CELA2A: variants seen among roughly 807,000 people sequenced by gnomAD.
CELA2A encodes chymotrypsin-like elastase family member 2A.
CELA2A carries 31 observed loss-of-function variants against 35.3 expected under a neutral mutation model. The ratio of observed to expected loss-of-function variants is 0.88; its 90% confidence interval spans 0.66 to 1.19. CELA2A has a LOEUF of 1.19. CELA2A is among the 50% of genes most tolerant of loss of function. The pLI is 0.00. For missense variants in CELA2A, 330 were observed against 352.9 expected (o/e 0.94, Z 0.52); for synonymous variants, 150 against 149.8 (o/e 1.00, Z -0.01).
intron 6 of CELA2A, among the ~76,000 whole-genome samples, chr1:15,466,365 C>A (rs1019831834): frequency 6.6e-6 from 1 of 152,114 alleles, no homozygotes; most frequent in Non-Finnish European, 1.5e-5. Flanking sequence ...AGTTCAAGAC[C>A]AGCCTGGCCA....
intron 3 of CELA2A, 129 bp from the exon 4 acceptor site, chr1:15,462,604 C>T: frequency 8.9e-7 from 1 of 1,119,202 alleles, no homozygotes; most frequent in Non-Finnish European, 1.3e-6. Context: ...CTGATTGTCC[C>T]AGGGGAGGAA....
chr1:15,462,952 C>G lies in CELA2A; in HGVS notation c.356+91C>G, dbSNP rs186428650. Reference sequence around the variant, plus strand: ...GCAAGGGTCTCAACCACACCACACCCCCTCTGCTTCTTCTACAGGGAGGGG... The same window carrying G: ...GCAAGGGTCTCAACCACACCACACCGCCTCTGCTTCTTCTACAGGGAGGGG... On this transcript the variant is annotated intron_variant, in intron 4 of 7. Transcript: ENST00000359621. The G allele has an allele frequency of 1.3e-3, 2,031 of 1,540,586 alleles. 23 individuals are homozygous for G. In the African/African-American group the frequency reaches 0.025, roughly 19 times the overall value.
intron 3 of CELA2A, chr1:15,462,198 C>T (rs7536007): frequency 0.26 from 122,212 of 469,578 alleles, 16,611 homozygotes; most frequent in Middle Eastern, 0.38. Flanking sequence ...TGGAACTCAC[C>T]GGAGTTTCTG....
At chr1:15,459,095 A>G (rs1317851590) in intron 2 of CELA2A, among the ~76,000 whole-genome samples, 1 of 151,550 alleles carries the variant, frequency 6.6e-6, no homozygotes, top group Admixed American at 6.6e-5. Context: ...GGCTCTGGCC[A>G]TCTACCTGCC....
chr1:15,459,968 A>AT (rs1708410890), intron 2 of CELA2A, among the ~76,000 whole-genome samples: 1 of 152,028 alleles, frequency 6.6e-6, no homozygotes, highest in Non-Finnish European at 1.5e-5. Flanking sequence ...AAAAAATACA[A>AT]ACAAACAAAA....
chr1:15,465,067 A>G (rs180883122), intron 5 of CELA2A, among the ~76,000 whole-genome samples: 1,335 of 121,798 alleles, frequency 0.011, 10 homozygotes, highest in Non-Finnish European at 0.015. Context: ...GCTGGAATGC[A>G]GTGGTGCAAT....
intron 7 of CELA2A, among the ~76,000 whole-genome samples, chr1:15,470,540 C>T (rs1424075255): frequency 6.6e-6 from 1 of 152,128 alleles, no homozygotes; most frequent in African/African-American, 2.4e-5. Flanking sequence ...AGTCCCCCCT[C>T]ATTTTACATC....
At chr1:15,471,094 G>A (rs74054734) in intron 7 of CELA2A, among the ~76,000 whole-genome samples, 1 of 152,170 alleles carries the variant, frequency 6.6e-6, no homozygotes, top group African/African-American at 2.4e-5. Flanking sequence ...TCCATAGTTT[G>A]AGTGTAATGA....
At chr1:15,466,211 C>T in intron 6 of CELA2A, 67 bp downstream of exon 6, 2 of 1,533,620 alleles carry the variant, frequency 1.3e-6, no homozygotes, top group Non-Finnish European at 1.8e-6. Flanking sequence ...TATAGAGGTC[C>T]ATCCCTCCAT....
At chr1:15,463,673 A>C (rs372989462) in intron 5 of CELA2A, 151 bp downstream of exon 5, 1 of 1,237,510 alleles carries the variant, frequency 8.1e-7, no homozygotes, top group East Asian at 2.5e-5. Flanking sequence ...CCTGGGATCA[A>C]ATGTCAGCTC....
At chr1:15,467,680 G>C (rs531960853) in intron 7 of CELA2A, 142 bp downstream of exon 7, 1 of 1,045,940 alleles carries the variant, frequency 9.6e-7, no homozygotes, top group Non-Finnish European at 1.4e-6. Flanking sequence ...CTGCAGACCT[G>C]AGTAACTGCT....
At chr1:15,463,279 T>TGG (rs1230983447) in intron 4 of CELA2A, 107 bp from the exon 5 acceptor site, 3 of 1,545,628 alleles carry the variant, frequency 1.9e-6, no homozygotes, top group Non-Finnish European at 2.6e-6. Flanking sequence ...CAGAGCAACC[T>TGG]GGGGTAACAG....
intron 3 of CELA2A, chr1:15,462,189 G>A (rs1303888050): frequency 3.0e-5 from 14 of 469,896 alleles, no homozygotes; most frequent in South Asian, 2.2e-4. Flanking sequence ...CATCACAGCT[G>A]GAACTCACCG....
chr1:15,465,705 C>T (rs183515529), intron 5 of CELA2A, among the ~76,000 whole-genome samples: 1 of 152,136 alleles, frequency 6.6e-6, no homozygotes, highest in Non-Finnish European at 1.5e-5. Context: ...CTTCATTCTC[C>T]ACATAAAACA....
chr1:15,466,396 T>C (rs577810888), intron 6 of CELA2A, among the ~76,000 whole-genome samples: 31 of 152,192 alleles, frequency 2.0e-4, no homozygotes, highest in Admixed American at 1.8e-3. Flanking sequence ...ACCTTGTGTC[T>C]ACTAAAACTA....
intron 7 of CELA2A, among the ~76,000 whole-genome samples, chr1:15,470,162 G>A (rs1708572191): frequency 6.6e-6 from 1 of 152,198 alleles, no homozygotes; most frequent in African/African-American, 2.4e-5. Flanking sequence ...GCAACCAGCT[G>A]TCCTTGGGTG....
At chr1:15,463,661 T>C (rs1186394794) in intron 5 of CELA2A, 139 bp downstream of exon 5, 20 of 1,348,334 alleles carry the variant, frequency 1.5e-5, no homozygotes, top group Non-Finnish European at 2.0e-5. Context: ...GGCTGACGCC[T>C]GCCTGGGATC....
At position 15,456,965 on chromosome 1, in the gene CELA2A, G is replaced by A. The variant is rs1203491227; in HGVS notation, c.41-121G>A. On this transcript the variant is annotated intron_variant, in intron 1 of 7. Coordinates refer to ENST00000359621, the MANE Select transcript of CELA2A (RefSeq NM_033440.3). ...ATTGGAGCAAAGAGCAGGATTCTAT[G>A]ACCTCTTGGGATCCTTCTAGAACAA... 6.4e-6 allele frequency: 8 copies of A among 1,259,340 alleles called. No homozygotes were observed. In the Admixed American group the frequency reaches 1.7e-4, roughly 26 times the overall value. 78.0% of individuals were successfully genotyped at this position (1,259,340 alleles called of 1,614,324 possible). A position where few individuals can be genotyped will look rare whatever the true frequency, so the allele number is the denominator to read the frequency against.
chr1:15,461,635 C>T lies in CELA2A; in HGVS notation c.204C>T (p.Val68=), dbSNP rs1374830654. The T allele has an allele frequency of 1.9e-6, 3 of 1,613,490 alleles. No homozygotes were observed. Among genetic ancestry groups the T allele is most frequent in the African/African-American group, 2.7e-5 (2 of 74,912 alleles). ...CGGSLIANSW[V]LTAAHCISSS... is the part of the protein sequence containing the mutation. The stretch of plus-strand genomic sequence containing the variant: ...GGTCCCTGATAGCCAACAGCTGGGT[C>T]CTGACGGCTGCCCACTGCATCAGGT... Residue 68 remains valine (V), a synonymous_variant, in exon 3 of 8, where the codon GTC becomes GTT. Transcript: ENST00000359621.
Sources: allele counts gnomAD v4.1 joint callset (sites outside exome capture counted in the v4.1 genomes callset), GRCh38; gene constraint gnomAD v4.1.1; transcripts MANE v1.5; gene names NCBI Gene and HGNC (gene_info 2026-07-23, HGNC 2026-07-21).